Variants in MCF2 observed in about 807,000 individuals in gnomAD.
The protein encoded by MCF2 is MCF.2 cell line derived transforming sequence.
Under a neutral mutation model 82.5 loss-of-function variants are expected in MCF2, and 44 were observed. The observed-to-expected ratio is 0.53, with a 90% CI of 0.42 to 0.69. MCF2 has a LOEUF of 0.69. Among genes scored for constraint, MCF2 ranks in the 30% least tolerant of loss-of-function variants. MCF2 has a pLI of 0.00. For synonymous variants in MCF2, 217 were observed against 224.9 expected, an observed-to-expected ratio of 0.96 and a Z score of 0.32; for missense variants, 623 against 663.1, an observed-to-expected ratio of 0.94 and a Z score of 0.66.
intron 1 of MCF2, among the ~76,000 whole-genome samples, chrX:139,692,819 A>G (rs1203315557): frequency 1.8e-5 from 2 of 112,184 alleles, no homozygotes; most frequent in African/African-American, 6.5e-5. Context: ...TCCTGTGCTG[A>G]AGCCGAAATA....
intron 1 of MCF2, among the ~76,000 whole-genome samples, chrX:139,679,395 C>G (rs1934948350): frequency 8.9e-6 from 1 of 112,384 alleles, no homozygotes; most frequent in Non-Finnish European, 1.9e-5. Flanking sequence ...GAATACAAAA[C>G]AGGAATCTAC....
intron 1 of MCF2, among the ~76,000 whole-genome samples, chrX:139,639,044 C>T (rs1933403944): frequency 9.0e-6 from 1 of 111,467 alleles, no homozygotes; most frequent in Non-Finnish European, 1.9e-5. Context: ...ATCAGATGCA[C>T]ATATCAAAGC....
intron 6 of MCF2, among the ~76,000 whole-genome samples, chrX:139,620,034 T>A (rs971569345): frequency 5.6e-5 from 6 of 107,908 alleles, no homozygotes; most frequent in Non-Finnish European, 5.8e-5. Flanking sequence ...TGTGTATATA[T>A]ATATAGCAAA....
At chrX:139,696,708 A>C (rs1007000504) in intron 1 of MCF2, among the ~76,000 whole-genome samples, 21 of 111,622 alleles carry the variant, frequency 1.9e-4, no homozygotes, top group East Asian at 5.6e-4. Flanking sequence ...CATTATAGTA[A>C]ATTAGGCATA....
chrX:139,666,346 T>A (rs1259876513), intron 1 of MCF2, among the ~76,000 whole-genome samples: 1 of 110,563 alleles, frequency 9.0e-6, no homozygotes, highest in Non-Finnish European at 1.9e-5. Flanking sequence ...CCAGTAAATG[T>A]GTGTCCAGGT....
At chrX:139,594,737 A>C (rs1183597985) in intron 19 of MCF2, among the ~76,000 whole-genome samples, 45 of 109,011 alleles carry the variant, frequency 4.1e-4, no homozygotes, top group South Asian at 1.6e-3. Context: ...GGATCTAATT[A>C]AACTAAAGAG....
upstream of MCF2, among the ~76,000 whole-genome samples, chrX:139,646,538 G>A (rs952240754): frequency 1.8e-5 from 2 of 111,254 alleles, no homozygotes; most frequent in Non-Finnish European, 3.8e-5. Flanking sequence ...CTCAACCTAT[G>A]TTCTTTTTGA....
At chrX:139,631,280 G>A in intron 3 of MCF2, 115 bp downstream of exon 6, 1 of 421,328 alleles carries the variant, frequency 2.4e-6, no homozygotes, top group Non-Finnish European at 4.0e-6. Flanking sequence ...AGAAAGCTGG[G>A]GTTTTTTTGT....
intron 1 of MCF2, among the ~76,000 whole-genome samples, chrX:139,690,725 T>A (rs1935242661): frequency 8.9e-6 from 1 of 111,771 alleles, no homozygotes; most frequent in Non-Finnish European, 1.9e-5. Flanking sequence ...GTTGTGGCTA[T>A]CTGATTTGTG....
intron 19 of MCF2, among the ~76,000 whole-genome samples, chrX:139,590,774 T>C (rs938386396): frequency 9.0e-6 from 1 of 110,711 alleles, no homozygotes; most frequent in Non-Finnish European, 1.9e-5. Context: ...GTTCTAGTTA[T>C]GAGCCCCCCA....
intron 2 of MCF2, among the ~76,000 whole-genome samples, chrX:139,650,032 T>C (rs1406985734): frequency 8.9e-6 from 1 of 112,195 alleles, no homozygotes; most frequent in East Asian, 2.8e-4. Flanking sequence ...TAATTAAGCT[T>C]TATCATAGGT....
Position 139,596,426 on chromosome X carries a change from T to A in MCF2, c.2277+123A>T, listed in dbSNP as rs867435201. The A allele has an allele frequency of 1.8e-4, 88 of 493,536 alleles. No individual in the cohort carries two copies. The Middle Eastern group carries it at 5.1e-3, about 29-fold the overall frequency. The allele number at this position is 493,536 out of a possible 1,213,427, so 40.7% of individuals were successfully genotyped here. ...CTTCTACATAAGACTTAAGATTTTT[T>A]AAAAAAAACAAAGATGTGCAGCGAA... On this transcript the variant is annotated intron_variant, in intron 19 of 24. Coordinates refer to ENST00000370576, the Ensembl canonical transcript of MCF2.
At chrX:139,614,882 T>G in exon 10 of MCF2, 1 of 1,200,880 alleles carries the variant, frequency 8.3e-7, no homozygotes, top group Non-Finnish European at 1.1e-6. Context: ...ACATTTTACC[T>G]TGTTTAGATG....
chrX:139,586,845 G>A (rs1474085187), intron 22 of MCF2, among the ~76,000 whole-genome samples: 1 of 111,406 alleles, frequency 9.0e-6, no homozygotes, highest in Non-Finnish European at 1.9e-5. Flanking sequence ...TCATATTGTT[G>A]AGTATGTACC....
chrX:139,651,044 G>A (rs1272029843), intron 2 of MCF2, among the ~76,000 whole-genome samples: 3 of 111,103 alleles, frequency 2.7e-5, no homozygotes, highest in Admixed American at 1.9e-4. Flanking sequence ...GGAATGAAAC[G>A]GGGAGTAATT....
chrX:139,700,322 C>T (rs1003375272), intron 1 of MCF2, among the ~76,000 whole-genome samples: 5 of 111,393 alleles, frequency 4.5e-5, no homozygotes, highest in South Asian at 3.8e-4. Flanking sequence ...ATAATTTGTT[C>T]GACCCAGAAT....
At chrX:139,651,748 G>C in exon 2 of MCF2, 1 of 1,163,174 alleles carries the variant, frequency 8.6e-7, no homozygotes, top group Non-Finnish European at 1.2e-6. Context: ...CTTGCATTAA[G>C]AAATGACTGA....
Position 139,626,294 on chromosome X carries a change from C to T in MCF2, c.586G>A (p.Val196Ile), listed in dbSNP as rs149874770. 2.8e-5 allele frequency: 32 copies of T among 1,149,744 alleles called. No individual in the cohort carries two copies. In the African/African-American group the frequency reaches 4.5e-4, roughly 16 times the overall value. 94.8% of individuals were successfully genotyped at this position (1,149,744 alleles called of 1,213,427 possible). ...TCAAAAGCTGTTTCCATATCATGTA[C>T]TTGAGTCAGCAACCTTAAGAAAGAA... is the stretch of plus-strand genomic sequence containing the variant. The change falls in exon 6 of 25, where the codon GTA becomes ATA. Residue 196 changes from valine to isoleucine, a missense_variant. Physicochemically the swap from Val to Ile is conservative, Grantham distance 29. Transcript: ENST00000370576.
exon 24 of MCF2, chrX:139,585,167 C>A: frequency 8.5e-7 from 1 of 1,175,999 alleles, no homozygotes; most frequent in Admixed American, 2.2e-5. Flanking sequence ...GATTGTGATG[C>A]CTCAGTCCAA....
Sources: gnomAD v4.1 joint callset for allele counts (sites outside exome capture counted in the v4.1 genomes callset) on GRCh38, gnomAD v4.1.1 for gene constraint, MANE v1.5 for transcripts, NCBI Gene and HGNC (gene_info 2026-07-23, HGNC 2026-07-21) for gene names.